Variants in STAM observed in about 807,000 individuals in gnomAD.
The protein encoded by STAM is signal transducing adaptor molecule.
A neutral mutation model predicts 63.4 loss-of-function variants in STAM; 16 were observed. The ratio of observed to expected loss-of-function variants is 0.25; its 90% confidence interval spans 0.17 to 0.38. STAM has a LOEUF of 0.38. STAM is among the 10% of genes least tolerant of loss of function. The pLI is 1.00. For missense variants in STAM, 636 were observed against 657.1 expected, an observed-to-expected ratio of 0.97 and a Z score of 0.35; for synonymous variants, 238 against 223.9, an observed-to-expected ratio of 1.06 and a Z score of -0.56.
chr10:17,656,426 A>G (rs1162543100), intron 1 of STAM, among the ~76,000 whole-genome samples: 2 of 152,102 alleles, frequency 1.3e-5, no homozygotes, highest in East Asian at 3.9e-4. Flanking sequence ...ACTTCACTGT[A>G]GGTTGGTCTG....
intron 13 of STAM, among the ~76,000 whole-genome samples, chr10:17,711,783 G>A (rs1465209474): frequency 1.3e-5 from 2 of 152,154 alleles, no homozygotes; most frequent in African/African-American, 4.8e-5. Flanking sequence ...CACTGCCAAG[G>A]TCGAAGAATG....
chr10:17,691,095 G>A (rs543266099), intron 5 of STAM, among the ~76,000 whole-genome samples: 1 of 152,340 alleles, frequency 6.6e-6, no homozygotes, highest in Non-Finnish European at 1.5e-5. Context: ...CATACCTGTA[G>A]TTTTCAGAAG....
intron 9 of STAM, among the ~76,000 whole-genome samples, 188 bp from the exon 10 acceptor site, chr10:17,704,243 G>A (rs1589107682): frequency 6.6e-6 from 1 of 152,124 alleles, no homozygotes; most frequent in African/African-American, 2.4e-5. Flanking sequence ...TATATAGGAA[G>A]TACTTTCAAG....
rs527467284 is a variant in STAM, at chr10:17,666,090, T to A, written c.125+5542T>A. ...TAAACATAGACGTGAGGATAAATACTGATTATCTTCAATAACAAGTTAAAA... is the reference window on the plus strand; with the variant it reads ...TAAACATAGACGTGAGGATAAATACAGATTATCTTCAATAACAAGTTAAAA... On this transcript the variant is annotated intron_variant, in intron 2 of 13. Transcript: ENST00000377524. Among the ~76,000 whole-genome samples the A allele has an allele frequency of 7.9e-5, 12 of 152,346 alleles. 1 individual carries two copies. Among genetic ancestry groups the A allele is most frequent in the African/African-American group, 2.9e-4 (12 of 41,578 alleles).
intron 12 of STAM, among the ~76,000 whole-genome samples, chr10:17,707,961 G>A (rs1195026032): frequency 1.3e-5 from 2 of 151,752 alleles, no homozygotes; most frequent in African/African-American, 4.8e-5. Context: ...CGCGATCTCA[G>A]CTCGCTGCCA....
At chr10:17,686,708 A>T (rs1300827923) in intron 4 of STAM, among the ~76,000 whole-genome samples, 1 of 152,202 alleles carries the variant, frequency 6.6e-6, no homozygotes, top group Non-Finnish European at 1.5e-5. Context: ...ATTTCCTTTT[A>T]TTAAACAAAT....
chr10:17,695,162 G>C lies in STAM; in HGVS notation c.649G>C (p.Ala217Pro). The C allele has an allele frequency of 6.2e-7, 1 of 1,614,058 alleles. No individual in the cohort carries two copies. Among genetic ancestry groups the C allele is most frequent in the Non-Finnish European group, 8.5e-7 (1 of 1,179,976 alleles). ...NHQHEGRKVR[A>P]IYDFEAAEDN... ...CCAACATGAAGGCCGAAAAGTTCGT[G>C]CTATATATGACTTTGAAGCTGCTGA... Residue 217 changes from alanine to proline, a missense_variant, in exon 7 of 14, where the codon GCT becomes CCT. By Grantham distance (27) the Ala-to-Pro change is conservative. Around this residue, in one of 3 missense-constraint regions of STAM, gnomAD observed 532 missense variants for 536.9 expected, o/e 0.99. Coordinates refer to ENST00000377524, the MANE Select transcript of STAM (RefSeq NM_003473.4).
At chr10:17,686,225 T>G (rs1372320226) in intron 4 of STAM, among the ~76,000 whole-genome samples, 1 of 152,202 alleles carries the variant, frequency 6.6e-6, no homozygotes, top group Non-Finnish European at 1.5e-5. Flanking sequence ...CCATGTTTTT[T>G]GTAATGTAGG....
Position 17,705,547 on chromosome 10 carries a change from T to G in STAM, c.1056-41T>G, listed in dbSNP as rs186355221. On this transcript the variant is annotated intron_variant, in intron 11 of 13. Coordinates refer to ENST00000377524, the MANE Select transcript of STAM (RefSeq NM_003473.4). ...TCATTATTTAGAGCATTATATCATT[T>G]TAGTAACAGCTATGCTTCAAATTAT... The G allele has an allele frequency of 6.6e-5, 104 of 1,583,096 alleles. No homozygotes were observed. In the Admixed American group the frequency reaches 1.8e-3, roughly 27 times the overall value.
At chr10:17,705,471 TTAA>T (rs1446073217) in intron 11 of STAM, 114 bp from the exon 12 acceptor site, 12 of 1,208,310 alleles carry the variant, frequency 9.9e-6, no homozygotes, top group Non-Finnish European at 1.4e-5. Context: ...AGTGAAATTT[TTAA>T]TAATGTCTAC....
At chr10:17,689,530 C>T (rs1835441038) in intron 5 of STAM, among the ~76,000 whole-genome samples, 1 of 152,178 alleles carries the variant, frequency 6.6e-6, no homozygotes, top group South Asian at 2.1e-4. Flanking sequence ...TTTGAAAATT[C>T]ATTCATTCAT....
chr10:17,644,618 C>A (rs1445379342), intron 1 of STAM, among the ~76,000 whole-genome samples: 1 of 152,148 alleles, frequency 6.6e-6, no homozygotes, highest in African/African-American at 2.4e-5. Context: ...TGCCAAAGAA[C>A]TGCTGAATGG....
rs781979995 is a variant in STAM, at chr10:17,708,791, C to T, written c.1225C>T (p.Pro409Ser). The T allele has an allele frequency of 1.9e-6, 3 of 1,613,586 alleles. No individual in the cohort carries two copies. The highest frequency in any genetic ancestry group is 2.2e-5 in the South Asian group (2 of 91,050). Reference protein sequence around the residue: ...VSGSQVYAGPPPSGAYLVAGN... With the variant: ...VSGSQVYAGPSPSGAYLVAGN... ...ACCATCGCAGGTGTATGCAGGGCCT[C>T]CTCCAAGTGGTGCCTACCTGGTTGC... Residue 409 changes from proline to serine, a missense_variant, in exon 13 of 14, where the codon CCT becomes TCT. Pro to Ser is a moderately conservative substitution (Grantham distance 74, BLOSUM62 -1). Around this residue, in one of 3 missense-constraint regions of STAM, gnomAD observed 532 missense variants for 536.9 expected, o/e 0.99. Coordinates refer to ENST00000377524, the MANE Select transcript of STAM (RefSeq NM_003473.4).
chr10:17,684,194 G>A (rs1306036060), intron 2 of STAM, among the ~76,000 whole-genome samples: 1 of 152,180 alleles, frequency 6.6e-6, no homozygotes, highest in Non-Finnish European at 1.5e-5. Context: ...CTTGGAAAGT[G>A]CCTCTAGGCA....
intron 12 of STAM, 59 bp downstream of exon 12, chr10:17,705,800 G>C (rs913567883): frequency 6.5e-7 from 1 of 1,531,628 alleles, no homozygotes; most frequent in Non-Finnish European, 8.9e-7. Flanking sequence ...AGGTGTGGTA[G>C]CTCATGCCTG....
chr10:17,708,948 C>CA lies in STAM; in HGVS notation c.1385dup (p.Asn462LysfsTer20), dbSNP rs1564573841. 1 of 1,613,196 alleles carries CA rather than the reference C, an allele frequency of 6.2e-7. No homozygotes were observed. Among genetic ancestry groups the CA allele is most frequent in the Non-Finnish European group, 8.5e-7 (1 of 1,179,402 alleles). On this transcript the variant is annotated frameshift_variant, in exon 13 of 14. Coordinates refer to ENST00000377524, the MANE Select transcript of STAM (RefSeq NM_003473.4). LOFTEE classifies it high-confidence loss of function. Reference sequence around the variant, plus strand: ...AGTCAGCAGACTCAGGCCGCTTACCCAAAGTAATTTTACTGTTGATTCTTG... The same window carrying CA: ...AGTCAGCAGACTCAGGCCGCTTACCCAAAAGTAATTTTACTGTTGATTCTTG...
At chr10:17,667,164 T>C (rs983595231) in intron 2 of STAM, among the ~76,000 whole-genome samples, 7 of 151,676 alleles carry the variant, frequency 4.6e-5, no homozygotes, top group African/African-American at 1.7e-4. Context: ...TTCACTTTTG[T>C]TGCCCAGGCT....
intron 2 of STAM, among the ~76,000 whole-genome samples, chr10:17,677,271 A>G (rs1834895256): frequency 6.6e-6 from 1 of 152,208 alleles, no homozygotes; most frequent in Non-Finnish European, 1.5e-5. Context: ...ATCCTTTCCA[A>G]AAGTCACAGT....
At chr10:17,673,884 CT>C (rs1834742435) in intron 2 of STAM, among the ~76,000 whole-genome samples, 1 of 152,186 alleles carries the variant, frequency 6.6e-6, no homozygotes, top group Non-Finnish European at 1.5e-5. Context: ...GGAGGAATAC[CT>C]AACATTCCAG....
Sources: allele counts gnomAD v4.1 joint callset (sites outside exome capture counted in the v4.1 genomes callset), GRCh38; gene constraint gnomAD v4.1.1; regional missense constraint gnomAD v4.1.1; transcripts MANE v1.5; gene names NCBI Gene and HGNC (gene_info 2026-07-23, HGNC 2026-07-21).